Variants in ZNF454 observed in about 807,000 individuals in gnomAD.
The protein encoded by ZNF454 is zinc finger protein 454.
Under a neutral mutation model 48.2 loss-of-function variants are expected in ZNF454, and 30 were observed. The ratio of observed to expected loss-of-function variants is 0.62; its 90% confidence interval spans 0.47 to 0.84. The LOEUF is 0.84. Ranked by LOEUF, ZNF454 falls within the 40% of genes least tolerant of loss-of-function variation. ZNF454 has a pLI of 0.00. For missense variants in ZNF454, 510 were observed against 623.1 expected, an observed-to-expected ratio of 0.82 and a Z score of 1.93; for synonymous variants, 204 against 211.4, an observed-to-expected ratio of 0.97 and a Z score of 0.30.
chr5:178,962,697 A>G (rs1383042954), intron 4 of ZNF454, among the ~76,000 whole-genome samples: 1 of 151,164 alleles, frequency 6.6e-6, no homozygotes, highest in East Asian at 2.0e-4. Context: ...TTCTTTTTCT[A>G]TTGTCTGTTT....
the ZNF454 span, chr5:178,983,480 T>G: frequency 3.0e-6 from 2 of 671,242 alleles, no homozygotes; most frequent in East Asian, 5.8e-5. Flanking sequence ...CCGTATATGT[T>G]GGCAACATCA....
At chr5:178,968,632 T>C (rs2113289693), downstream of ZNF454, 1 of 372,904 alleles carries the variant, frequency 2.7e-6, no homozygotes, top group East Asian at 7.3e-5. Flanking sequence ...CACCCTCAGA[T>C]TCCAGAGTAA....
chr5:178,985,701 T>TCGG, the ZNF454 span: 1 of 296,406 alleles, frequency 3.4e-6, no homozygotes, highest in Admixed American at 4.1e-5. Context: ...AGACTCTGTC[T>TCGG]AAAAAAAAAA....
chr5:178,947,108 A>C, intron 4 of ZNF454, 122 bp downstream of exon 4: 1 of 789,020 alleles, frequency 1.3e-6, no homozygotes, highest in Non-Finnish European at 2.1e-6. Context: ...CCTGTTTCAC[A>C]TTCGTTCACC....
intron 4 of ZNF454, among the ~76,000 whole-genome samples, chr5:178,961,254 T>C (rs1313517381): frequency 6.6e-6 from 1 of 151,668 alleles, no homozygotes; most frequent in Admixed American, 6.6e-5. Flanking sequence ...TAAAAATAAC[T>C]TAGGTAAGTT....
chr5:178,956,379 G>T (rs1361310855), intron 4 of ZNF454, among the ~76,000 whole-genome samples: 1 of 151,994 alleles, frequency 6.6e-6, no homozygotes, highest in Non-Finnish European at 1.5e-5. Flanking sequence ...GCCTATCCAG[G>T]CAGTGGGAAG....
At chr5:178,964,581 G>A in intron 4 of ZNF454, 74 bp from the exon 5 acceptor site, 2 of 1,109,696 alleles carry the variant, frequency 1.8e-6, no homozygotes, top group Non-Finnish European at 2.6e-6. Context: ...GCATTATGAA[G>A]AGGCTCGTCA....
chr5:178,985,376 AG>A, the ZNF454 span: 1 of 386,294 alleles, frequency 2.6e-6, no homozygotes, highest in Non-Finnish European at 5.1e-6. Flanking sequence ...CTGTCACAGG[AG>A]GGGAGGGGCT....
At chr5:178,949,616 G>GT (rs1469287279) in intron 4 of ZNF454, among the ~76,000 whole-genome samples, 2 of 149,302 alleles carry the variant, frequency 1.3e-5, no homozygotes, top group East Asian at 2.0e-4. Flanking sequence ...CCTTTTTTTT[G>GT]TTTTTTGTTG....
At chr5:178,976,391 A>G in the ZNF454 span, among the ~76,000 whole-genome samples, 1 of 152,158 alleles carries the variant, frequency 6.6e-6, no homozygotes, top group African/African-American at 2.4e-5. Flanking sequence ...CTGCTGATGT[A>G]TCCCAGGTGC....
the ZNF454 span, among the ~76,000 whole-genome samples, chr5:178,975,307 T>A: frequency 1.8e-4 from 27 of 152,290 alleles, no homozygotes; most frequent in African/African-American, 6.3e-4. Flanking sequence ...TGTTTCTAAG[T>A]ATGCCAGTGG....
At chr5:178,985,466 G>T in the ZNF454 span, among the ~76,000 whole-genome samples, 28 of 151,756 alleles carry the variant, frequency 1.8e-4, no homozygotes, top group African/African-American at 6.5e-4. Flanking sequence ...CACTTTGGGA[G>T]GCCGAGGTGG....
chr5:178,974,007 T>C, the ZNF454 span, among the ~76,000 whole-genome samples: 1 of 152,128 alleles, frequency 6.6e-6, no homozygotes. Flanking sequence ...ACAGTGGGGT[T>C]GGGCTGGGAT....
chr5:178,988,798 G>A, the ZNF454 span: 1 of 687,372 alleles, frequency 1.5e-6, no homozygotes, highest in Non-Finnish European at 2.6e-6. This position sits in a 1 kb window ranked among gnomAD's most constrained non-coding sequence, Gnocchi z 6.0. Flanking sequence ...CATGTCTTTG[G>A]CACTCAGCCC....
the ZNF454 span, chr5:178,986,998 C>G: frequency 6.2e-7 from 1 of 1,611,594 alleles, no homozygotes; most frequent in Non-Finnish European, 8.5e-7. Flanking sequence ...AGAGAGAGTC[C>G]GTCATCCTCG....
chr5:178,964,600 C>T, intron 4 of ZNF454, 55 bp from the exon 5 acceptor site: 1 of 1,345,530 alleles, frequency 7.4e-7, no homozygotes, highest in African/African-American at 1.5e-5. Context: ...CATCTTGCCC[C>T]ATCCAAATGT....
chr5:178,969,159 C>T (rs935913805), downstream of ZNF454, among the ~76,000 whole-genome samples: 2 of 152,146 alleles, frequency 1.3e-5, no homozygotes, highest in African/African-American at 4.8e-5. Context: ...GCTCACTGCA[C>T]GGCCTTCTCG....
intron 4 of ZNF454, among the ~76,000 whole-genome samples, chr5:178,955,327 G>A (rs1358227363): frequency 1.3e-5 from 2 of 152,184 alleles, no homozygotes; most frequent in Non-Finnish European, 2.9e-5. Context: ...TATGATGTTA[G>A]CAGTAGGCTT....
intron 4 of ZNF454, among the ~76,000 whole-genome samples, chr5:178,954,359 G>C (rs1759671950): frequency 6.6e-6 from 1 of 152,038 alleles, no homozygotes; most frequent in African/African-American, 2.4e-5. Flanking sequence ...ATTATTGTTT[G>C]ATTTCCACCT....
Sources: gnomAD v4.1 joint callset for allele counts (sites outside exome capture counted in the v4.1 genomes callset) on GRCh38, gnomAD v4.1.1 for gene constraint, Gnocchi (gnomAD v3.1) non-coding constraint, MANE v1.5 for transcripts, NCBI Gene and HGNC (gene_info 2026-07-23, HGNC 2026-07-21) for gene names.